The following PCCA variants were observed in gnomAD, a reference collection of about 807,000 sequenced individuals.
The protein encoded by PCCA is propionyl-CoA carboxylase alpha chain, mitochondrial.
Under a neutral mutation model 101.3 loss-of-function variants are expected in PCCA, and 74 were observed. The observed-to-expected ratio is 0.73, with a 90% CI of 0.61 to 0.89. The LOEUF (loss-of-function observed/expected upper bound fraction) is 0.89, where lower values mean the gene tolerates loss of function less well. Ranked by LOEUF, PCCA falls within the 40% of genes least tolerant of loss-of-function variation. The probability of loss-of-function intolerance (pLI) is 0.00; values close to 1 mark genes in which losing one functional copy is unlikely to be tolerated. For synonymous variants in PCCA, 294 were observed against 313.6 expected (o/e 0.94, Z 0.66); for missense variants, 891 against 907.0 (o/e 0.98, Z 0.23).
intron 6 of PCCA, among the ~76,000 whole-genome samples, chr13:100,187,787 G>T (rs1226874892): frequency 6.6e-6 from 1 of 152,134 alleles, no homozygotes; most frequent in Non-Finnish European, 1.5e-5. Context: ...TGGGAAACAG[G>T]TGGTATTTGA....
At chr13:100,293,462 C>A (rs555095550) in intron 12 of PCCA, among the ~76,000 whole-genome samples, 27 of 152,056 alleles carry the variant, frequency 1.8e-4, no homozygotes, top group African/African-American at 6.5e-4. Flanking sequence ...GAACAAATAC[C>A]ATATTCTAAT....
At chr13:100,347,407 A>G (rs1456867836) in intron 18 of PCCA, among the ~76,000 whole-genome samples, 2 of 152,196 alleles carry the variant, frequency 1.3e-5, no homozygotes, top group Non-Finnish European at 2.9e-5. Context: ...AGCAGGATAT[A>G]GTTGGACTCT....
chr13:100,150,968 G>A, intron 4 of PCCA: 1 of 1,514,818 alleles, frequency 6.6e-7, no homozygotes, highest in Non-Finnish European at 9.2e-7. Flanking sequence ...ATCAGGCTGG[G>A]TGGGGCGGAG....
At chr13:100,133,812 C>T (rs567417508) in intron 4 of PCCA, among the ~76,000 whole-genome samples, 125 of 152,250 alleles carry the variant, frequency 8.2e-4, no homozygotes, top group African/African-American at 2.5e-3. Flanking sequence ...CAGCTGCCAG[C>T]GTGGCTAGAA....
In PCCA at chr13:100,124,521, C is replaced by T. The variant is rs571517695; in HGVS notation, c.300+12460C>T. 2.6e-5 allele frequency among the ~76,000 whole-genome samples: 4 copies of T among 152,220 alleles called. No homozygotes were observed. In the East Asian group the frequency reaches 7.7e-4, roughly 29 times the overall value. ...TTGAGTGGGGTTTCCTGTGAGCACT[C>T]TGGGGTGATTGACAGTAAGGTGAGG... On this transcript the variant is annotated intron_variant, in intron 4 of 23. Transcript: ENST00000376285.
At chr13:100,136,558 C>T (rs922116909) in intron 4 of PCCA, among the ~76,000 whole-genome samples, 5 of 152,260 alleles carry the variant, frequency 3.3e-5, no homozygotes, top group Non-Finnish European at 4.4e-5. Context: ...TTTTAAATGA[C>T]GTATTCAAGT....
intron 21 of PCCA, among the ~76,000 whole-genome samples, chr13:100,509,419 T>C (rs942134390): frequency 6.6e-6 from 1 of 152,208 alleles, no homozygotes; most frequent in African/African-American, 2.4e-5. Flanking sequence ...GGCACGTTTA[T>C]CTGTGGATCA....
In PCCA at chr13:100,524,871, C is replaced by T. The variant is rs139362210; in HGVS notation, c.2041-2804C>T. Among the ~76,000 whole-genome samples the T allele has an allele frequency of 9.7e-3, 1,477 of 151,894 alleles. 22 individuals carry two copies. The highest frequency in any genetic ancestry group is 0.033 in the African/African-American group (1,361 of 41,372). Reference sequence around the variant, plus strand: ...TGGGCAACAGACCGAGATTCTGTCTCTAAGATAGATAGATAGATTAGATAG... The same window carrying T: ...TGGGCAACAGACCGAGATTCTGTCTTTAAGATAGATAGATAGATTAGATAG... On this transcript the variant is annotated intron_variant, in intron 22 of 23. Transcript: ENST00000376285.
intron 19 of PCCA, among the ~76,000 whole-genome samples, chr13:100,381,113 G>A (rs751066449): frequency 5.9e-5 from 9 of 152,142 alleles, no homozygotes; most frequent in Admixed American, 2.0e-4. Flanking sequence ...GGCCAGGTGC[G>A]GTGGCTCACG....
In PCCA at chr13:100,175,267, A is replaced by AT. The variant is rs202212759; in HGVS notation, c.468+17936dup. Among the ~76,000 whole-genome samples, 91 of 151,640 alleles carry AT rather than the reference A, an allele frequency of 6.0e-4. 1 individual carries two copies. Among genetic ancestry groups the AT allele is most frequent in the Non-Finnish European group, 4.0e-4 (27 of 67,836 alleles). Reference sequence around the variant, plus strand: ...AAACCAATAGATTAGTACATTGTTGATTTTTTTTTCCCCCAAACCTTAGAT... The same window carrying AT: ...AAACCAATAGATTAGTACATTGTTGATTTTTTTTTTCCCCCAAACCTTAGAT... On this transcript the variant is annotated intron_variant, in intron 6 of 23. Coordinates refer to ENST00000376285, the MANE Select transcript of PCCA (RefSeq NM_000282.4).
intron 4 of PCCA, among the ~76,000 whole-genome samples, chr13:100,138,928 C>G (rs2051508010): frequency 9.5e-6 from 1 of 105,592 alleles, no homozygotes; most frequent in Non-Finnish European, 1.9e-5. Flanking sequence ...GAGCAAAACT[C>G]CATCTCAAAA....
intron 21 of PCCA, among the ~76,000 whole-genome samples, chr13:100,474,780 C>T (rs905741882): frequency 1.3e-5 from 2 of 152,000 alleles, no homozygotes; most frequent in South Asian, 2.1e-4. Context: ...TGTGCCTGGC[C>T]GTATATGTCC....
At chr13:100,148,003 G>A (rs895760156) in intron 4 of PCCA, among the ~76,000 whole-genome samples, 3 of 151,828 alleles carry the variant, frequency 2.0e-5, no homozygotes, top group Admixed American at 6.6e-5. Flanking sequence ...GGTTGGACTC[G>A]AACTCCTGGG....
At chr13:100,493,349 G>C (rs1468617153) in intron 21 of PCCA, among the ~76,000 whole-genome samples, 1 of 152,166 alleles carries the variant, frequency 6.6e-6, no homozygotes, top group Non-Finnish European at 1.5e-5. Flanking sequence ...GGTGGATGTG[G>C]AGGTGTGCGC....
In PCCA at chr13:100,189,938, A is replaced by G. The variant is rs189689177; in HGVS notation, c.469-19394A>G. 6.1e-3 allele frequency among the ~76,000 whole-genome samples: 924 copies of G among 152,338 alleles called. 2 individuals carry two copies. The highest frequency in any genetic ancestry group is 0.011 in the Non-Finnish European group (752 of 68,042). On this transcript the variant is annotated intron_variant, in intron 6 of 23. Transcript: ENST00000376285. ...AGTTTGAAAATTCTTTGCTAGGTTGAACAGCCATATTGGAAAAGTACCAAA... is the reference window on the plus strand; with the variant it reads ...AGTTTGAAAATTCTTTGCTAGGTTGGACAGCCATATTGGAAAAGTACCAAA...
In PCCA at chr13:100,449,342, A is replaced by G. The variant is rs769726117; in HGVS notation, c.1899+37A>G. ...ATCATTCTTTATTCTCTTAATTTAC[A>G]GAGAAAAAATGTTCAACTAGTTGTA... On this transcript the variant is annotated intron_variant, in intron 21 of 23. Coordinates refer to ENST00000376285, the MANE Select transcript of PCCA (RefSeq NM_000282.4). The G allele has an allele frequency of 2.6e-5, 34 of 1,306,324 alleles. 1 individual carries two copies. Among genetic ancestry groups the G allele is most frequent in the Middle Eastern group, 3.8e-4 (2 of 5,230 alleles). The allele number at this position is 1,306,324 out of a possible 1,614,324, so 80.9% of individuals were successfully genotyped here.
chr13:100,138,186 G>A (rs2051412917), intron 4 of PCCA, among the ~76,000 whole-genome samples: 2 of 151,884 alleles, frequency 1.3e-5, no homozygotes, highest in African/African-American at 2.4e-5. Flanking sequence ...TTCACTCTTT[G>A]TGTCTTCTTT....
intron 23 of PCCA, among the ~76,000 whole-genome samples, chr13:100,529,652 C>G (rs1444419678): frequency 6.6e-6 from 1 of 152,188 alleles, no homozygotes; most frequent in Non-Finnish European, 1.5e-5. Flanking sequence ...GCTGATCTGA[C>G]TGTCGTGTGT....
intron 19 of PCCA, among the ~76,000 whole-genome samples, chr13:100,417,603 A>G (rs2078461741): frequency 6.6e-6 from 1 of 151,990 alleles, no homozygotes; most frequent in Admixed American, 6.6e-5. Flanking sequence ...CTAAGATGTT[A>G]TTGGTGGAGA....
Sources: gnomAD v4.1 joint callset for allele counts (sites outside exome capture counted in the v4.1 genomes callset) on GRCh38, gnomAD v4.1.1 for gene constraint, MANE v1.5 for transcripts, NCBI Gene and HGNC (gene_info 2026-07-23, HGNC 2026-07-21) for gene names.